RAB6B: variants seen among roughly 807,000 people sequenced by gnomAD.
The protein encoded by RAB6B is ras-related protein Rab-6B.
A neutral mutation model predicts 31.2 loss-of-function variants in RAB6B; 7 were observed. That is an observed-to-expected ratio of 0.22 (90% CI 0.13 to 0.42). RAB6B has a LOEUF of 0.42. RAB6B is among the 10% of genes least tolerant of loss of function. The pLI, the probability that RAB6B is intolerant of heterozygous loss-of-function variation, is 1.00. For synonymous variants in RAB6B, 105 were observed against 104.9 expected (o/e 1.00, Z -0.01); for missense variants, 149 against 280.6 (o/e 0.53, Z 3.35).
At chr3:133,878,494 G>T (rs1207588539) in intron 1 of RAB6B, among the ~76,000 whole-genome samples, 1 of 152,136 alleles carries the variant, frequency 6.6e-6, no homozygotes, top group Non-Finnish European at 1.5e-5. Flanking sequence ...TACAAAAGCT[G>T]ACAGAATTCA....
At chr3:133,839,364 CT>C (rs1472850834) in intron 5 of RAB6B, 141 bp downstream of exon 5, 3 of 692,130 alleles carry the variant, frequency 4.3e-6, no homozygotes, top group Non-Finnish European at 7.6e-6. Flanking sequence ...GTCCTCAAAG[CT>C]CCTAGTGTCT....
At chr3:133,852,793 A>C (rs950537164) in intron 2 of RAB6B, among the ~76,000 whole-genome samples, 2 of 152,118 alleles carry the variant, frequency 1.3e-5, no homozygotes, top group African/African-American at 4.8e-5. Context: ...CTTGATTCTA[A>C]ACCTGACCAC....
In RAB6B at chr3:133,895,708, G is replaced by A; in HGVS notation, c.-242C>T. 1.9e-6 allele frequency: 1 copy of A among 537,012 alleles called. No individual in the cohort carries two copies. Among genetic ancestry groups the A allele is most frequent in the Non-Finnish European group, 3.3e-6 (1 of 307,644 alleles). 33.3% of individuals were successfully genotyped at this position (537,012 alleles called of 1,614,324 possible). The stretch of plus-strand genomic sequence containing the variant: ...GGAAGGCTGGGGCTGGGCTGCTGCG[G>A]TCGGCACTGGCTGCGGTGCGAGGGG... On this transcript the variant is annotated 5_prime_UTR_variant, in exon 1 of 8. Coordinates refer to ENST00000285208, the MANE Select transcript of RAB6B (RefSeq NM_016577.4).
chr3:133,881,082 G>T (rs1936460501), intron 1 of RAB6B, among the ~76,000 whole-genome samples: 1 of 152,172 alleles, frequency 6.6e-6, no homozygotes, highest in South Asian at 2.1e-4. Flanking sequence ...GGGCCAGGCT[G>T]GGGGGTGGAT....
At chr3:133,832,516 C>G (rs971245728) in intron 7 of RAB6B, among the ~76,000 whole-genome samples, 2 of 152,222 alleles carry the variant, frequency 1.3e-5, no homozygotes, top group Admixed American at 1.3e-4. Context: ...TGTGGCTGCT[C>G]TCAATGTGGA....
intron 2 of RAB6B, among the ~76,000 whole-genome samples, chr3:133,847,155 A>G (rs923788360): frequency 6.6e-6 from 1 of 152,254 alleles, no homozygotes; most frequent in African/African-American, 2.4e-5. Flanking sequence ...TAACTGCTTT[A>G]AATACATTAC....
At chr3:133,877,763 T>C (rs1005766389) in intron 1 of RAB6B, among the ~76,000 whole-genome samples, 4 of 148,448 alleles carry the variant, frequency 2.7e-5, no homozygotes, top group Non-Finnish European at 1.5e-5. Flanking sequence ...TTATATAATA[T>C]ATATTATATA....
chr3:133,843,335 T>C (rs1935863911), intron 2 of RAB6B, among the ~76,000 whole-genome samples: 1 of 152,252 alleles, frequency 6.6e-6, no homozygotes, highest in Non-Finnish European at 1.5e-5. Context: ...CTGGGCTCTT[T>C]CTACCACAGC....
chr3:133,862,817 C>A (rs756646768), intron 2 of RAB6B, among the ~76,000 whole-genome samples: 14 of 152,186 alleles, frequency 9.2e-5, no homozygotes, highest in African/African-American at 2.2e-4. Context: ...CCCTTTGTCA[C>A]CCCCTTGCCA....
intron 2 of RAB6B, among the ~76,000 whole-genome samples, chr3:133,854,711 TA>T (rs1416893320): frequency 5.9e-5 from 9 of 152,228 alleles, no homozygotes; most frequent in African/African-American, 1.9e-4. Context: ...AACATGGTAT[TA>T]AACAGTATCT....
At position 133,836,852 on chromosome 3, in the gene RAB6B, GCC is replaced by G. The variant is rs568441745; in HGVS notation, c.495+1312_495+1313del. On this transcript the variant is annotated intron_variant, in intron 6 of 7. Transcript: ENST00000285208. Reference sequence around the variant, plus strand: ...GGGCACTGAGTCCTGGAGCTTTGGGGCCCCCAGTGTCACATAGTGTCCCTTCC... The same window carrying G: ...GGGCACTGAGTCCTGGAGCTTTGGGGCCCAGTGTCACATAGTGTCCCTTCC... 1.2e-3 allele frequency among the ~76,000 whole-genome samples: 184 copies of G among 152,260 alleles called. 1 individual carries two copies. The highest frequency in any genetic ancestry group is 4.2e-3 in the African/African-American group (175 of 41,550).
At chr3:133,882,864 C>G (rs1936488747) in intron 1 of RAB6B, among the ~76,000 whole-genome samples, 1 of 152,198 alleles carries the variant, frequency 6.6e-6, no homozygotes, top group Non-Finnish European at 1.5e-5. Flanking sequence ...AGCTAGGTAC[C>G]TCTTCAGGTC....
At chr3:133,875,218 G>A (rs1309633104) in intron 1 of RAB6B, among the ~76,000 whole-genome samples, 1 of 152,178 alleles carries the variant, frequency 6.6e-6, no homozygotes, top group Non-Finnish European at 1.5e-5. Flanking sequence ...TATACATTGT[G>A]AAATGATTAC....
At chr3:133,859,455 T>C (rs893917358) in intron 2 of RAB6B, among the ~76,000 whole-genome samples, 2 of 152,174 alleles carry the variant, frequency 1.3e-5, no homozygotes, top group Admixed American at 1.3e-4. Flanking sequence ...CCAGTGTCCA[T>C]GAGTGTGTGA....
intron 1 of RAB6B, among the ~76,000 whole-genome samples, chr3:133,886,657 G>A (rs1225778626): frequency 1.3e-5 from 2 of 152,136 alleles, no homozygotes; most frequent in Admixed American, 1.3e-4. Context: ...TTATAAAATG[G>A]GATGAGCAGC....
chr3:133,838,406 C>T (rs769153918), intron 5 of RAB6B, 147 bp from the exon 6 acceptor site: 25 of 718,496 alleles, frequency 3.5e-5, no homozygotes, highest in South Asian at 6.3e-5. Context: ...GGGTCCCTCC[C>T]GGGCACCAAC....
At chr3:133,847,349 C>G (rs1028092001) in intron 2 of RAB6B, among the ~76,000 whole-genome samples, 1 of 152,230 alleles carries the variant, frequency 6.6e-6, no homozygotes, top group African/African-American at 2.4e-5. Flanking sequence ...TATCCCCACA[C>G]GCCTCCAGGC....
At chr3:133,831,330 A>G (rs1935653703) in intron 7 of RAB6B, among the ~76,000 whole-genome samples, 1 of 152,212 alleles carries the variant, frequency 6.6e-6, no homozygotes, top group African/African-American at 2.4e-5. Flanking sequence ...GCACTGTCCA[A>G]AGAACTTTCT....
At chr3:133,874,640 A>G (rs1237404745) in intron 1 of RAB6B, among the ~76,000 whole-genome samples, 2 of 152,230 alleles carry the variant, frequency 1.3e-5, no homozygotes, top group Non-Finnish European at 2.9e-5. Flanking sequence ...CTTTAATAAT[A>G]AATTAACCTT....
Sources: gnomAD v4.1 joint callset for allele counts (sites outside exome capture counted in the v4.1 genomes callset) on GRCh38, gnomAD v4.1.1 for gene constraint, MANE v1.5 for transcripts, NCBI Gene and HGNC (gene_info 2026-07-23, HGNC 2026-07-21) for gene names.